Variants in CEP70 observed in about 807,000 individuals in gnomAD.
CEP70 encodes centrosomal protein of 70 kDa.
Under a neutral mutation model 90.9 loss-of-function variants are expected in CEP70, and 70 were observed. The ratio of observed to expected loss-of-function variants is 0.77; its 90% CI spans 0.64 to 0.94. The LOEUF is 0.94. Ranked by LOEUF, CEP70 falls within the 40% of genes least tolerant of loss-of-function variation. CEP70 has a pLI of 0.00. For synonymous variants in CEP70, 220 were observed against 228.3 expected, an observed-to-expected ratio of 0.96 and a Z score of 0.33; for missense variants, 648 against 669.0, an observed-to-expected ratio of 0.97 and a Z score of 0.35.
At chr3:138,563,133 G>A (rs767827703) in intron 6 of CEP70, among the ~76,000 whole-genome samples, 17 of 151,772 alleles carry the variant, frequency 1.1e-4, no homozygotes, top group Non-Finnish European at 2.2e-4. Context: ...AAAGGGATCA[G>A]TGCAACAAGA....
chr3:138,587,306 A>G (rs1399607822), intron 2 of CEP70, among the ~76,000 whole-genome samples: 1 of 152,032 alleles, frequency 6.6e-6, no homozygotes, highest in African/African-American at 2.4e-5. Flanking sequence ...ATTAAAAAGA[A>G]ATGAAGAAGA....
intron 12 of CEP70, 143 bp from the exon 13 acceptor site, chr3:138,505,608 G>C (rs371294436): frequency 1.4e-5 from 7 of 487,366 alleles, no homozygotes; most frequent in African/African-American, 1.4e-4. Flanking sequence ...TAAGGAATTG[G>C]CTCATGCAAT....
At chr3:138,505,763 C>A (rs1285233653) in intron 12 of CEP70, among the ~76,000 whole-genome samples, 1 of 152,136 alleles carries the variant, frequency 6.6e-6, no homozygotes, top group Non-Finnish European at 1.5e-5. Flanking sequence ...AGAAAAAAAC[C>A]AGTGTCCCAT....
intron 13 of CEP70, 100 bp from the exon 14 acceptor site, chr3:138,500,981 A>G (rs527701150): frequency 7.2e-6 from 3 of 417,926 alleles, no homozygotes; most frequent in African/African-American, 6.2e-5. Context: ...TATATATTAT[A>G]TGTTTTATAA....
intron 14 of CEP70, 33 bp from the exon 15 acceptor site, chr3:138,500,600 C>T (rs2034416998): frequency 3.2e-6 from 5 of 1,554,152 alleles, no homozygotes; most frequent in Non-Finnish European, 3.5e-6. Context: ...AGAAAGAGTT[C>T]ATTATCTTAA....
At chr3:138,540,858 G>T (rs932705144) in intron 6 of CEP70, among the ~76,000 whole-genome samples, 4 of 152,044 alleles carry the variant, frequency 2.6e-5, no homozygotes, top group Non-Finnish European at 5.9e-5. Context: ...CTCATCAATG[G>T]TAGACTGGAT....
intron 8 of CEP70, among the ~76,000 whole-genome samples, chr3:138,530,257 A>AAAT: frequency 6.6e-6 from 1 of 152,212 alleles, no homozygotes; most frequent in East Asian, 1.9e-4. Context: ...TCTTAAATTT[A>AAAT]AAAATTGAAG....
At chr3:138,547,203 T>C (rs2039277298) in intron 6 of CEP70, among the ~76,000 whole-genome samples, 2 of 152,152 alleles carry the variant, frequency 1.3e-5, no homozygotes, top group Admixed American at 1.3e-4. Context: ...AGTTAAGCCA[T>C]GAACTAGAAC....
At chr3:138,530,952 ACT>A in intron 8 of CEP70, 3 of 493,868 alleles carry the variant, frequency 6.1e-6, no homozygotes, top group Non-Finnish European at 7.9e-6. Context: ...TAGGAGAGAG[ACT>A]CTTTTTATTG....
At chr3:138,508,020 A>G (rs569268288) in intron 12 of CEP70, among the ~76,000 whole-genome samples, 52 of 152,276 alleles carry the variant, frequency 3.4e-4, no homozygotes, top group African/African-American at 1.0e-3. Context: ...GAGATTCCCT[A>G]TATCACACCA....
intron 7 of CEP70, among the ~76,000 whole-genome samples, chr3:138,532,960 TTAAA>T (rs1704851867): frequency 6.6e-6 from 1 of 152,022 alleles, no homozygotes; most frequent in Non-Finnish European, 1.5e-5. Context: ...AGGAGAAAGG[TTAAA>T]TAAATAATGG....
chr3:138,517,273 T>G (rs2108765159), intron 11 of CEP70, among the ~76,000 whole-genome samples: 1 of 152,314 alleles, frequency 6.6e-6, no homozygotes, highest in Middle Eastern at 3.4e-3. Flanking sequence ...GCTCTTAAAC[T>G]GTGAAACCAG....
intron 17 of CEP70, chr3:138,497,255 T>C (rs886851947): frequency 1.6e-5 from 20 of 1,267,928 alleles, no homozygotes; most frequent in Non-Finnish European, 1.8e-5. Context: ...ATTCTTCTTA[T>C]CAAGTTTTCA....
chr3:138,586,726 A>G (rs1262644173), intron 2 of CEP70, among the ~76,000 whole-genome samples: 1 of 152,204 alleles, frequency 6.6e-6, no homozygotes, highest in Non-Finnish European at 1.5e-5. Flanking sequence ...GTCAATGGGT[A>G]CAAAAAAATA....
Position 138,500,126 on chromosome 3 carries a change from G to A in CEP70, c.1636C>T (p.Pro546Ser), listed in dbSNP as rs752749060. The A allele has an allele frequency of 1.2e-6, 2 of 1,611,048 alleles. No homozygotes were observed. Among genetic ancestry groups the A allele is most frequent in the Non-Finnish European group, 1.7e-6 (2 of 1,177,368 alleles). Reference protein sequence around the residue: ...VNEQVMQVLGPEDLQSIIYKL... With the variant: ...VNEQVMQVLGSEDLQSIIYKL... ...AACAAATACCTCTGGAGGTCTTCAG[G>A]TCCTAATACCTGCATAACCTGCTCA... The change falls in exon 16 of 18, where the codon CCT (proline) becomes TCT (serine). Residue 546 changes from proline (P) to serine (S), a missense_variant. Physicochemically the swap from Pro to Ser is moderately conservative, Grantham distance 74. Transcript: ENST00000264982.
chr3:138,520,305 A>G (rs2036492998), intron 11 of CEP70, among the ~76,000 whole-genome samples: 1 of 152,128 alleles, frequency 6.6e-6, no homozygotes, highest in Non-Finnish European at 1.5e-5. Context: ...ATATCCAGGA[A>G]TTGAACTCAG....
At chr3:138,527,508 C>A (rs2037385633) in intron 10 of CEP70, among the ~76,000 whole-genome samples, 1 of 151,562 alleles carries the variant, frequency 6.6e-6, no homozygotes, top group South Asian at 2.1e-4. Flanking sequence ...TCCTGGCTAA[C>A]ATGGTGAAAC....
chr3:138,496,466 T>C, intron 17 of CEP70: 1 of 985,458 alleles, frequency 1.0e-6, no homozygotes, highest in Non-Finnish European at 1.2e-6. Context: ...GATCAAGGTA[T>C]TCCCTGACTC....
intron 6 of CEP70, among the ~76,000 whole-genome samples, chr3:138,564,446 C>T (rs1236946129): frequency 6.6e-6 from 1 of 152,156 alleles, no homozygotes; most frequent in Non-Finnish European, 1.5e-5. Flanking sequence ...TGAAAATCCT[C>T]AATAAAATAC....
Sources: allele counts gnomAD v4.1 joint callset (sites outside exome capture counted in the v4.1 genomes callset), GRCh38; gene constraint gnomAD v4.1.1; transcripts MANE v1.5; gene names NCBI Gene and HGNC (gene_info 2026-07-23, HGNC 2026-07-21).